Variants in DACH2 observed in about 807,000 individuals in gnomAD.
The protein encoded by DACH2 is dachshund homolog 2.
Under a neutral mutation model 35.8 loss-of-function variants are expected in DACH2, and 17 were observed. The observed-to-expected ratio is 0.48, with a 90% CI of 0.33 to 0.71. The LOEUF (loss-of-function observed/expected upper bound fraction) is 0.71. Among genes scored for constraint, DACH2 ranks in the 30% least tolerant of loss-of-function variants. The pLI, the probability that DACH2 is intolerant of heterozygous loss-of-function variation, is 0.02. For missense variants in DACH2, 469 were observed against 472.7 expected, an observed-to-expected ratio of 0.99 and a Z score of 0.07; for synonymous variants, 195 against 177.3, an observed-to-expected ratio of 1.10 and a Z score of -0.79.
intron 3 of DACH2, among the ~76,000 whole-genome samples, chrX:86,535,839 C>T (rs1013459926): frequency 1.8e-5 from 2 of 111,253 alleles, no homozygotes; most frequent in Non-Finnish European, 3.8e-5. Context: ...GCGGGAAATA[C>T]GTGCAGTGGG....
At chrX:86,433,573 A>T (rs2037019086) in intron 2 of DACH2, among the ~76,000 whole-genome samples, 1 of 111,933 alleles carries the variant, frequency 8.9e-6, no homozygotes, top group Non-Finnish European at 1.9e-5. Context: ...ATTAGAGCAT[A>T]GTTAGGAAAA....
chrX:86,615,479 C>T (rs745975341), intron 3 of DACH2, among the ~76,000 whole-genome samples: 7 of 111,210 alleles, frequency 6.3e-5, no homozygotes, highest in African/African-American at 6.5e-5. Context: ...TCATAGTTCA[C>T]GACTAATAAT....
At chrX:86,332,606 A>AAG in intron 1 of DACH2, among the ~76,000 whole-genome samples, 1 of 99,383 alleles carries the variant, frequency 1.0e-5, no homozygotes, top group East Asian at 3.1e-4. Flanking sequence ...AAATATTATA[A>AAG]ACGTAACACT....
intron 2 of DACH2, among the ~76,000 whole-genome samples, chrX:86,430,623 G>T (rs2036970311): frequency 1.8e-5 from 2 of 112,128 alleles, no homozygotes; most frequent in African/African-American, 6.5e-5. Flanking sequence ...GACCATGAAG[G>T]TCTTAGCCAT....
Position 86,210,640 on chromosome X carries a change from C to T in DACH2, c.488+61532C>T, listed in dbSNP as rs1213338673. 4.5e-5 allele frequency among the ~76,000 whole-genome samples: 5 copies of T among 111,736 alleles called. No individual in the cohort carries two copies. The East Asian group carries it at 1.4e-3, about 32-fold the overall frequency. ...TTGCTGATTTTTAGTTAAGAAAGCT[C>T]TCAATGGCTACTAGTCTTTCACCTG... On this transcript the variant is annotated intron_variant, in intron 1 of 11. Transcript: ENST00000373125.
At chrX:86,245,135 C>T (rs774711102) in intron 1 of DACH2, among the ~76,000 whole-genome samples, 1 of 111,963 alleles carries the variant, frequency 8.9e-6, no homozygotes, top group African/African-American at 3.2e-5. Context: ...ATTATAAAAG[C>T]TGTTATTGTT....
At chrX:86,221,718 A>G (rs2032715408) in intron 1 of DACH2, among the ~76,000 whole-genome samples, 1 of 112,253 alleles carries the variant, frequency 8.9e-6, no homozygotes, top group Non-Finnish European at 1.9e-5. Flanking sequence ...AACTGGAGCA[A>G]TGGTAGATCC....
intron 1 of DACH2, among the ~76,000 whole-genome samples, chrX:86,295,133 T>A (rs943974241): frequency 2.7e-5 from 3 of 112,855 alleles, no homozygotes; most frequent in African/African-American, 9.6e-5. Context: ...CCCCGTTTTT[T>A]AAGCCCATCG....
chrX:86,406,472 A>G (rs1447080162), intron 2 of DACH2, among the ~76,000 whole-genome samples: 2 of 112,065 alleles, frequency 1.8e-5, no homozygotes, highest in African/African-American at 6.5e-5. Flanking sequence ...CCCAAGCCTC[A>G]GCATCACATC....
chrX:86,155,921 T>C (rs1371140966), intron 1 of DACH2, among the ~76,000 whole-genome samples: 2 of 111,027 alleles, frequency 1.8e-5, no homozygotes, highest in Non-Finnish European at 3.8e-5. Flanking sequence ...CTATTACCTA[T>C]GGTAGAGTTT....
intron 2 of DACH2, among the ~76,000 whole-genome samples, chrX:86,438,861 C>T (rs1307640127): frequency 8.9e-6 from 1 of 112,156 alleles, no homozygotes; most frequent in Non-Finnish European, 1.9e-5. Context: ...TTGCAAGCAC[C>T]AGTTATTTTT....
rs55825336 is a variant in DACH2, at chrX:86,382,461, T to TACACACAC, written c.527+5636_527+5643dup. ...CAGAGTTGCAAATATGCTACATTCA[T>TACACACAC]ACACACACACACACACACACACACA... On this transcript the variant is annotated intron_variant, in intron 2 of 11. Coordinates refer to ENST00000373125, the MANE Select transcript of DACH2 (RefSeq NM_053281.3). 9.4e-3 allele frequency among the ~76,000 whole-genome samples: 891 copies of TACACACAC among 94,581 alleles called. 18 individuals are homozygous for TACACACAC. The highest frequency in any genetic ancestry group is 0.032 in the African/African-American group (794 of 24,997). The allele number at this position is 94,581 out of a possible 115,157, so 82.1% of individuals were successfully genotyped here. A position where few individuals can be genotyped will look rare whatever the true frequency, so the allele number is the denominator to read the frequency against.
chrX:86,478,821 C>T (rs1221095387), intron 2 of DACH2, among the ~76,000 whole-genome samples: 1 of 110,417 alleles, frequency 9.1e-6, no homozygotes, highest in Non-Finnish European at 1.9e-5. Context: ...CCCCAGTGGC[C>T]ATGTGTTACA....
intron 1 of DACH2, chrX:86,160,179 T>C (rs974266380): frequency 2.6e-5 from 27 of 1,043,771 alleles, no homozygotes; most frequent in Non-Finnish European, 3.5e-5. Flanking sequence ...AGTTCAAAGA[T>C]TCTTCTTCCA....
chrX:86,434,415 G>T (rs1200840754), intron 2 of DACH2, among the ~76,000 whole-genome samples: 1 of 111,582 alleles, frequency 9.0e-6, no homozygotes, highest in Non-Finnish European at 1.9e-5. Flanking sequence ...CATGTTGATT[G>T]ATTGCTATAT....
intron 1 of DACH2, among the ~76,000 whole-genome samples, chrX:86,246,280 C>T (rs867086757): frequency 1.4e-4 from 15 of 109,925 alleles, no homozygotes; most frequent in East Asian, 5.8e-4. Context: ...CCCAAACTTG[C>T]GAGAGGTCAA....
At chrX:86,674,448 G>A (rs2040804798) in intron 4 of DACH2, among the ~76,000 whole-genome samples, 1 of 112,192 alleles carries the variant, frequency 8.9e-6, no homozygotes, top group South Asian at 3.6e-4. Flanking sequence ...TGTCAAGCTT[G>A]TTCTATCTCG....
chrX:86,591,250 CTT>C (rs1297375090), intron 3 of DACH2, among the ~76,000 whole-genome samples: 4 of 111,552 alleles, frequency 3.6e-5, no homozygotes. Flanking sequence ...GGTTCCAAGT[CTT>C]TGCTATTGTG....
chrX:86,300,812 G>A (rs1283240330), intron 1 of DACH2, among the ~76,000 whole-genome samples: 3 of 111,814 alleles, frequency 2.7e-5, no homozygotes, highest in Non-Finnish European at 5.6e-5. Flanking sequence ...TATTAGTCAG[G>A]GTATTGCACA....
Sources: gnomAD v4.1 joint callset for allele counts (sites outside exome capture counted in the v4.1 genomes callset) on GRCh38, gnomAD v4.1.1 for gene constraint, MANE v1.5 for transcripts, NCBI Gene and HGNC (gene_info 2026-07-23, HGNC 2026-07-21) for gene names.